The following SMG1 variants were observed in gnomAD, a reference collection of about 807,000 sequenced individuals.
The protein encoded by SMG1 is serine/threonine-protein kinase SMG1.
A neutral mutation model predicts 419.9 loss-of-function variants in SMG1; 22 were observed. The ratio of observed to expected loss-of-function variants is 0.05; its 90% CI spans 0.04 to 0.07. The LOEUF (loss-of-function observed/expected upper bound fraction) is 0.07. Ranked by LOEUF, SMG1 falls within the 10% of genes least tolerant of loss-of-function variation. The pLI is 1.00. For synonymous variants in SMG1, 1,538 were observed against 1,553.5 expected (o/e 0.99, Z 0.23); for missense variants, 3,185 against 4,342.0 (o/e 0.73, Z 7.49).
At chr16:18,844,338 A>T (rs2034106207) in intron 39 of SMG1, among the ~76,000 whole-genome samples, 4 of 151,782 alleles carry the variant, frequency 2.6e-5, no homozygotes, top group Admixed American at 1.3e-4. Context: ...CTGAGGCAGG[A>T]GAATCACTTA....
intron 33 of SMG1, 90 bp from the exon 34 acceptor site, chr16:18,850,557 TCATA>T (rs35992129): frequency 0.16 from 137,057 of 844,668 alleles, 11,994 homozygotes; most frequent in Middle Eastern, 0.24. Context: ...AAAATTCTTC[TCATA>T]TATAAAAGAT....
chr16:18,839,870 C>G lies in SMG1; in HGVS notation c.6773G>C (p.Gly2258Ala), dbSNP rs370036189. 1.2e-6 allele frequency: 2 copies of G among 1,612,684 alleles called. No individual in the cohort carries two copies. Among genetic ancestry groups the G allele is most frequent in the Non-Finnish European group, 1.7e-6 (2 of 1,179,252 alleles). ...AAGCCCAACTGTTTTCAAAGCAGGGCCAATTTTACTGTAATAAAGTTCACT... is the reference window on the plus strand; with the variant it reads ...AAGCCCAACTGTTTTCAAAGCAGGGGCAATTTTACTGTAATAAAGTTCACT... ...RPSELYYSKI[G>A]PALKTVGLSL... Residue 2258 changes from glycine (G) to alanine (A), a missense_variant, in exon 42 of 63, where the codon GGC becomes GCC. Physicochemically the swap from Gly to Ala is moderately conservative, Grantham distance 60. Transcript: ENST00000446231.
intron 10 of SMG1, among the ~76,000 whole-genome samples, chr16:18,881,619 T>G (rs2036400896): frequency 6.6e-6 from 1 of 152,180 alleles, no homozygotes; most frequent in Non-Finnish European, 1.5e-5. Flanking sequence ...TTGTGTCTTT[T>G]CCACTGAACC....
rs1202292445 is a variant in SMG1 at position 18,838,228 on chromosome 16, A to G, written c.7199T>C (p.Leu2400Ser). The G allele has an allele frequency of 6.2e-7, 1 of 1,610,630 alleles. No homozygotes were observed. The highest frequency in any genetic ancestry group is 2.2e-5 in the East Asian group (1 of 44,808). ...CTCTCTGCCACGCCGCATAATGTGT[A>G]AAACCTGTTTTCAGGAGAGTTTTTA... The part of the protein sequence containing the change: ...GVFRLSCEQV[L>S]HIMRRGRETL... The change falls in exon 45 of 63, where the codon TTA becomes TCA. Residue 2400 changes from leucine to serine, a missense_variant. This residue lies in a region of SMG1 where 60 missense variants were observed against 133.9 expected (regional missense o/e 0.45). Coordinates refer to ENST00000446231, the MANE Select transcript of SMG1 (RefSeq NM_015092.5).
chr16:18,871,701 C>G (rs978095308), intron 15 of SMG1, among the ~76,000 whole-genome samples: 1 of 151,956 alleles, frequency 6.6e-6, no homozygotes, highest in Non-Finnish European at 1.5e-5. Context: ...GCAAAGAGGC[C>G]GGGTGTGGTG....
chr16:18,920,284 A>G (rs2038145541), intron 1 of SMG1, among the ~76,000 whole-genome samples: 1 of 151,792 alleles, frequency 6.6e-6, no homozygotes, highest in Admixed American at 6.6e-5. Flanking sequence ...TAGGAGGCTG[A>G]GACAGGAAAA....
chr16:18,849,407 T>C (rs1800796175), intron 35 of SMG1, 29 bp from the exon 36 acceptor site: 2 of 1,579,482 alleles, frequency 1.3e-6, no homozygotes, highest in South Asian at 1.1e-5. Flanking sequence ...GAAAGACACT[T>C]TAAAGTTATT....
chr16:18,908,989 C>T (rs2037690369), intron 1 of SMG1, among the ~76,000 whole-genome samples: 1 of 152,004 alleles, frequency 6.6e-6, no homozygotes, highest in South Asian at 2.1e-4. Context: ...GAAGCACATT[C>T]CCAGGGAATG....
chr16:18,869,835 A>C lies in SMG1; in HGVS notation c.2633+19T>G, dbSNP rs542840158. ...TAAAATTATGTTTCCCAGATAAAAGAGTCAAAGAAATGCCTTACCCTGTTC... is the reference window on the plus strand; with the variant it reads ...TAAAATTATGTTTCCCAGATAAAAGCGTCAAAGAAATGCCTTACCCTGTTC... On this transcript the variant is annotated intron_variant, in intron 19 of 62. Transcript: ENST00000446231. 1 of 1,578,594 alleles carries C rather than the reference A, an allele frequency of 6.3e-7. No individual in the cohort carries two copies. The highest frequency in any genetic ancestry group is 1.3e-5 in the African/African-American group (1 of 74,522).
In SMG1 at chr16:18,838,133, C is replaced by G; in HGVS notation, c.7294G>C (p.Gly2432Arg). ...LVDWTAGGEAGFAGAVYGGGG... is the reference protein window; with the variant it reads ...LVDWTAGGEARFAGAVYGGGG... ...CCACCATAGACAGCACCAGCAAACCCAGCCTCGCCTCCTGCTGTCCAGTCC... is the reference window on the plus strand; with the variant it reads ...CCACCATAGACAGCACCAGCAAACCGAGCCTCGCCTCCTGCTGTCCAGTCC... The change falls in exon 45 of 63, where the codon GGG becomes CGG. Residue 2432 changes from glycine (G) to arginine (R), a missense_variant. Around this residue, in one of 27 missense-constraint regions of SMG1, gnomAD observed 60 missense variants for 133.9 expected, o/e 0.45. Coordinates refer to ENST00000446231, the MANE Select transcript of SMG1 (RefSeq NM_015092.5). 1 of 1,613,884 alleles carries G rather than the reference C, an allele frequency of 6.2e-7. No homozygotes were observed. Among genetic ancestry groups the G allele is most frequent in the Non-Finnish European group, 8.5e-7 (1 of 1,179,856 alleles).
At chr16:18,812,934 C>T (rs1416992736) in intron 60 of SMG1, among the ~76,000 whole-genome samples, 1 of 151,976 alleles carries the variant, frequency 6.6e-6, no homozygotes, top group East Asian at 1.9e-4. Flanking sequence ...GTTTTTTGTC[C>T]CTGCGATAGT....
At chr16:18,879,895 G>A (rs1367676414) in intron 10 of SMG1, among the ~76,000 whole-genome samples, 176 bp from the exon 11 acceptor site, 1 of 152,216 alleles carries the variant, frequency 6.6e-6, no homozygotes, top group African/African-American at 2.4e-5. Flanking sequence ...AGTACAGTAT[G>A]TAAACATGAT....
rs558216872 is a variant in SMG1, at chr16:18,906,620, G to C, written c.93-9664C>G. On this transcript the variant is annotated intron_variant, in intron 1 of 62. Coordinates refer to ENST00000446231, the MANE Select transcript of SMG1 (RefSeq NM_015092.5). ...TGAACTAAATCCCCCCCATAAACAT[G>C]CAACACTTTCAATGTATCCCATTTA... is the stretch of plus-strand genomic sequence containing the variant. Among the ~76,000 whole-genome samples, 3 of 152,142 alleles carry C rather than the reference G, an allele frequency of 2.0e-5. No individual in the cohort carries two copies. In the East Asian group the frequency reaches 5.8e-4, roughly 29 times the overall value.
chr16:18,907,449 G>A (rs1410355732), intron 1 of SMG1, among the ~76,000 whole-genome samples: 1 of 151,950 alleles, frequency 6.6e-6, no homozygotes, highest in Non-Finnish European at 1.5e-5. Context: ...TTGAACTCCT[G>A]GGCTCAAGAG....
In SMG1 at chr16:18,807,291, A is replaced by G. The variant is rs2030926562; in HGVS notation, c.*2278T>C. ...AAAAGTTTTTCCTTATGATGACAAT[A>G]AAGAATGTTGCTGAAAGACTTTAAT... is the stretch of plus-strand genomic sequence containing the variant. On this transcript the variant is annotated 3_prime_UTR_variant, in exon 63 of 63. Transcript: ENST00000446231. 6.6e-6 allele frequency: 1 copy of G among 152,212 alleles called. No homozygotes were observed. Among genetic ancestry groups the G allele is most frequent in the East Asian group, 1.9e-4 (1 of 5,204 alleles). The allele number at this position is 152,212 out of a possible 1,614,324, so 9.4% of individuals were successfully genotyped here. A position where few individuals can be genotyped will look rare whatever the true frequency, so the allele number is the denominator to read the frequency against.
At chr16:18,816,259 T>C in intron 58 of SMG1, 43 bp downstream of exon 58, 2 of 1,454,528 alleles carry the variant, frequency 1.4e-6, no homozygotes, top group Non-Finnish European at 1.9e-6. Context: ...GTAAATTTTA[T>C]AACAGAGGGA....
intron 51 of SMG1, among the ~76,000 whole-genome samples, chr16:18,832,554 T>C (rs1053942466): frequency 6.7e-6 from 1 of 150,326 alleles, no homozygotes; most frequent in Non-Finnish European, 1.5e-5. Flanking sequence ...AAAGGATATA[T>C]GTATGTATGT....
chr16:18,846,226 A>G (rs972925012), intron 38 of SMG1, among the ~76,000 whole-genome samples: 3 of 152,202 alleles, frequency 2.0e-5, no homozygotes, highest in Admixed American at 2.0e-4. Context: ...GAATGAAGCA[A>G]TAACTCAAAA....
Position 18,849,405 on chromosome 16 carries a change from CTT to C in SMG1, c.5462-29_5462-28del, listed in dbSNP as rs2034466387. 3 of 1,585,856 alleles carry C rather than the reference CTT, an allele frequency of 1.9e-6. No individual in the cohort carries two copies. In the East Asian group the frequency reaches 6.7e-5, roughly 36 times the overall value. ...TTCAGGACAAGAAGAGAGAAAGACA[CTT>C]TAAAGTTATTTAAAACTATGAAGAA... is the stretch of plus-strand genomic sequence containing the variant. On this transcript the variant is annotated intron_variant, in intron 35 of 62. Transcript: ENST00000446231.
Sources: gnomAD v4.1 joint callset for allele counts (sites outside exome capture counted in the v4.1 genomes callset) on GRCh38, gnomAD v4.1.1 for gene constraint, gnomAD v4.1.1 regional missense constraint, MANE v1.5 for transcripts, NCBI Gene and HGNC (gene_info 2026-07-23, HGNC 2026-07-21) for gene names.